The following MEGF10 variants were observed in gnomAD, a reference collection of about 807,000 sequenced individuals.
MEGF10 encodes multiple epidermal growth factor-like domains protein 10.
In MEGF10, 86 loss-of-function variants were observed where a neutral mutation model predicts 147.5. The observed-to-expected ratio is 0.58, with a 90% CI of 0.49 to 0.70. MEGF10 has a LOEUF of 0.70. Among genes scored for constraint, MEGF10 ranks in the 30% least tolerant of loss-of-function variants. The probability of loss-of-function intolerance (pLI) is 0.00; values close to 1 mark genes in which losing one functional copy is unlikely to be tolerated. For missense variants in MEGF10, 1,329 were observed against 1,487.3 expected (o/e 0.89, Z 1.75); for synonymous variants, 478 against 525.5 (o/e 0.91, Z 1.24).
chr5:127,388,303 C>G (rs1332167828), intron 5 of MEGF10, among the ~76,000 whole-genome samples: 2 of 151,842 alleles, frequency 1.3e-5, no homozygotes, highest in African/African-American at 4.8e-5. Context: ...TGCATGCCAC[C>G]ACATTCAGCT....
chr5:127,428,721 G>A (rs182000916), intron 13 of MEGF10, among the ~76,000 whole-genome samples: 4 of 152,146 alleles, frequency 2.6e-5, no homozygotes, highest in East Asian at 3.9e-4. Context: ...ATTCACTAAC[G>A]CTCCAAATAT....
At position 127,389,075 on chromosome 5, in the gene MEGF10, AAT is replaced by A. The variant is rs147463467; in HGVS notation, c.413-7456_413-7455del. 7.5e-3 allele frequency among the ~76,000 whole-genome samples: 1,141 copies of A among 152,324 alleles called. 12 individuals are homozygous for A. Among genetic ancestry groups the A allele is most frequent in the African/African-American group, 0.026 (1,096 of 41,568 alleles). ...TATCATTTCAGCACTTCAGGAGCAG[AAT>A]GGCCTCATGTAAAGCCCTTGACCTT... is the stretch of plus-strand genomic sequence containing the variant. On this transcript the variant is annotated intron_variant, in intron 5 of 24. Transcript: ENST00000503335.
chr5:127,333,091 G>A (rs200814179), intron 2 of MEGF10, among the ~76,000 whole-genome samples: 1 of 152,106 alleles, frequency 6.6e-6, no homozygotes, highest in East Asian at 1.9e-4. Context: ...GTTAGTGTGG[G>A]TTTGCCATGT....
the MEGF10 span, among the ~76,000 whole-genome samples, chr5:127,254,586 T>C: frequency 6.6e-5 from 10 of 151,738 alleles, no homozygotes; most frequent in African/African-American, 2.2e-4. Flanking sequence ...CTGAGGTGGG[T>C]GATCACCTGA....
chr5:127,408,672 G>C (rs773413881), intron 8 of MEGF10, among the ~76,000 whole-genome samples: 3 of 152,176 alleles, frequency 2.0e-5, no homozygotes, highest in Non-Finnish European at 2.9e-5. Context: ...GGTTTTACCT[G>C]TTAACAAATA....
At chr5:127,447,758 G>A (rs1766005052) in intron 21 of MEGF10, 74 bp downstream of exon 21, 16 of 1,571,834 alleles carry the variant, frequency 1.0e-5, no homozygotes, top group South Asian at 7.9e-5. Context: ...ATTGAGGGCC[G>A]CTGTTCACCA....
At chr5:127,333,312 T>G (rs26944) in intron 2 of MEGF10, among the ~76,000 whole-genome samples, 91,634 of 151,852 alleles carry the variant, frequency 0.6, 27,865 homozygotes, top group Middle Eastern at 0.78. Context: ...GGCCAGGATT[T>G]TGAGACCAGC....
intron 1 of MEGF10, among the ~76,000 whole-genome samples, chr5:127,327,134 AG>A (rs2126775353): frequency 6.6e-6 from 1 of 152,314 alleles, no homozygotes; most frequent in African/African-American, 2.4e-5. Context: ...ACAGACAGCA[AG>A]GGTTAACTCT....
intron 1 of MEGF10, among the ~76,000 whole-genome samples, chr5:127,306,194 C>T (rs1179780603): frequency 1.3e-5 from 2 of 152,162 alleles, no homozygotes; most frequent in Admixed American, 6.5e-5. Flanking sequence ...GCCCCGGTGC[C>T]GTGTGGATCC....
intron 4 of MEGF10, among the ~76,000 whole-genome samples, chr5:127,353,859 C>T (rs566404846): frequency 3.3e-5 from 5 of 152,320 alleles, no homozygotes; most frequent in Admixed American, 1.3e-4. Context: ...GGTTTGGGGA[C>T]TGGGTAACTC....
chr5:127,394,661 A>T (rs1412947518), intron 5 of MEGF10, among the ~76,000 whole-genome samples: 1 of 152,146 alleles, frequency 6.6e-6, no homozygotes, highest in Admixed American at 6.5e-5. Context: ...ATTACAGTGG[A>T]AAAAAGACTC....
chr5:127,312,714 G>A (rs1482855855), intron 1 of MEGF10, among the ~76,000 whole-genome samples: 2 of 152,134 alleles, frequency 1.3e-5, no homozygotes, highest in Admixed American at 6.5e-5. Flanking sequence ...TTTCCTATAA[G>A]TACCTTGGAT....
chr5:127,428,882 C>T (rs1234674711), intron 13 of MEGF10, among the ~76,000 whole-genome samples: 1 of 152,204 alleles, frequency 6.6e-6, no homozygotes, highest in Non-Finnish European at 1.5e-5. Flanking sequence ...CACATTGAGG[C>T]CGCTGGCATA....
intron 1 of MEGF10, among the ~76,000 whole-genome samples, chr5:127,319,915 A>G (rs967458177): frequency 6.6e-6 from 1 of 152,224 alleles, no homozygotes. Context: ...TTTTGGCTTA[A>G]TAGTGGCCTA....
the MEGF10 span, among the ~76,000 whole-genome samples, chr5:127,247,455 GA>G: frequency 7.7e-6 from 1 of 129,168 alleles, no homozygotes. Context: ...AGAAGAAGAA[GA>G]AGAAGAAGAA....
chr5:127,338,700 A>G (rs1463090140), intron 2 of MEGF10, among the ~76,000 whole-genome samples: 1 of 152,144 alleles, frequency 6.6e-6, no homozygotes, highest in East Asian at 1.9e-4. Flanking sequence ...GCACTCTATT[A>G]CTTTACTTGA....
chr5:127,327,760 G>T (rs1264122058), intron 1 of MEGF10, among the ~76,000 whole-genome samples: 10 of 148,462 alleles, frequency 6.7e-5, no homozygotes, highest in Non-Finnish European at 1.3e-4. Flanking sequence ...TGTTGCCCAG[G>T]CTGGAGTGCA....
At chr5:127,237,402 G>A in the MEGF10 span, among the ~76,000 whole-genome samples, 3 of 152,272 alleles carry the variant, frequency 2.0e-5, no homozygotes, top group African/African-American at 7.2e-5. Flanking sequence ...TGAGGCAGGA[G>A]AATCACTTGA....
chr5:127,347,967 A>G (rs1334086982), intron 4 of MEGF10, among the ~76,000 whole-genome samples: 1 of 152,062 alleles, frequency 6.6e-6, no homozygotes, highest in Non-Finnish European at 1.5e-5. Flanking sequence ...AATGCAAAAG[A>G]CTTGCATGTA....
Sources: allele counts gnomAD v4.1 joint callset (sites outside exome capture counted in the v4.1 genomes callset), GRCh38; gene constraint gnomAD v4.1.1; transcripts MANE v1.5; gene names NCBI Gene and HGNC (gene_info 2026-07-23, HGNC 2026-07-21).